SPIC: variants seen among roughly 807,000 people sequenced by gnomAD.
SPIC encodes transcription factor Spi-C.
In SPIC, 9 loss-of-function variants were observed where a neutral mutation model predicts 16.7. The observed-to-expected ratio is 0.54, with a 90% CI of 0.33 to 0.94. The LOEUF is 0.94. SPIC is among the 40% of genes least tolerant of loss of function. SPIC has a pLI of 0.03. For synonymous variants in SPIC, 97 were observed against 102.9 expected (o/e 0.94, Z 0.35); for missense variants, 241 against 285.8 (o/e 0.84, Z 1.13).
chr12:101,486,635 C>T lies in SPIC; in HGVS notation c.611C>T (p.Ser204Phe). ...SEAILQRLSP[S>F]YFLGKEIFYS... ...GCCATTCTCCAAAGACTCTCTCCAT[C>T]CTATTTCCTGGGGAAAGAGATCTTC... The change falls in exon 6 of 6, where the codon TCC (serine) becomes TTC (phenylalanine). Residue 204 changes from serine (S) to phenylalanine (F), a missense_variant. Transcript: ENST00000551346. 6.2e-7 allele frequency: 1 copy of T among 1,613,964 alleles called. No individual in the cohort carries two copies. The highest frequency in any genetic ancestry group is 8.5e-7 in the Non-Finnish European group (1 of 1,179,880).
In SPIC at chr12:101,486,848, T is replaced by A. The variant is rs1001841904; in HGVS notation, c.*77T>A. On this transcript the variant is annotated 3_prime_UTR_variant, in exon 6 of 6. Transcript: ENST00000551346. The stretch of plus-strand genomic sequence containing the variant: ...TAATGATTTCTCCCTCCCTCTCTTT[T>A]TTTCCTCCTCTGAAGAAATTTAGGA... 3 of 1,257,510 alleles carry A rather than the reference T, an allele frequency of 2.4e-6. No homozygotes were observed. The African/African-American group carries it at 4.5e-5, about 19-fold the overall frequency. The allele number at this position is 1,257,510 out of a possible 1,614,324, so 77.9% of individuals were successfully genotyped here. A position where few individuals can be genotyped will look rare whatever the true frequency, so the allele number is the denominator to read the frequency against.
rs1555208989 is a variant in SPIC, at chr12:101,479,242, A to AAGAAGG, written c.98-339_98-338insGAAGGA. Among the ~76,000 whole-genome samples the AAGAAGG allele has an allele frequency of 3.2e-3, 145 of 44,968 alleles. 1 individual carries two copies. Among genetic ancestry groups the AAGAAGG allele is most frequent in the East Asian group, 5.7e-3 (18 of 3,170 alleles). The allele number at this position is 44,968 out of a possible 152,430, so 29.5% of individuals were successfully genotyped here. A position where few individuals can be genotyped will look rare whatever the true frequency, so the allele number is the denominator to read the frequency against. On this transcript the variant is annotated intron_variant, in intron 3 of 5. Coordinates refer to ENST00000551346, the MANE Select transcript of SPIC (RefSeq NM_152323.3). ...AAAGAAGGAAAGAAAGAAAGAAAGA[A>AAGAAGG]AAAGAAAGAAAGAAGGAAGGAAAGA...
At chr12:101,485,139 A>G (rs1163262480) in intron 5 of SPIC, among the ~76,000 whole-genome samples, 1 of 152,238 alleles carries the variant, frequency 6.6e-6, no homozygotes, top group Non-Finnish European at 1.5e-5. Flanking sequence ...ATGCAAGAGT[A>G]TTATTCCCCA....
chr12:101,483,038 G>C, intron 5 of SPIC, 138 bp downstream of exon 5: 1 of 672,976 alleles, frequency 1.5e-6, no homozygotes, highest in South Asian at 1.9e-5. Flanking sequence ...ATTTAACTCT[G>C]ACTTCTTGAA....
At chr12:101,478,284 G>A (rs1208622976) in intron 3 of SPIC, among the ~76,000 whole-genome samples, 2 of 152,044 alleles carry the variant, frequency 1.3e-5, no homozygotes, top group East Asian at 3.9e-4. Context: ...GCCCATCTCG[G>A]CCTCCCAAAG....
At chr12:101,485,928 C>A (rs759904151) in intron 5 of SPIC, among the ~76,000 whole-genome samples, 1 of 152,142 alleles carries the variant, frequency 6.6e-6, no homozygotes, top group Non-Finnish European at 1.5e-5. Flanking sequence ...CTCAGCCTCC[C>A]GAGTAGCTGG....
In SPIC at chr12:101,479,764, C is replaced by G. The variant is rs1409270437; in HGVS notation, c.210+70C>G. 2.6e-6 allele frequency: 3 copies of G among 1,134,874 alleles called. No individual in the cohort carries two copies. The African/African-American group carries it at 4.7e-5, about 18-fold the overall frequency. 70.3% of individuals were successfully genotyped at this position (1,134,874 alleles called of 1,614,324 possible). On this transcript the variant is annotated intron_variant, in intron 4 of 5. Transcript: ENST00000551346. ...TTGCCAGCCTTCCATTTCACATACA[C>G]TGTCTGAAACCCAGCTTAAAGACAG...
intron 5 of SPIC, 39 bp from the exon 6 acceptor site, chr12:101,486,305 A>G: frequency 6.4e-7 from 1 of 1,561,398 alleles, no homozygotes; most frequent in Non-Finnish European, 8.7e-7. Context: ...CTCGGTTTAC[A>G]GCCACGGTGG....
chr12:101,486,506 G>A lies in SPIC; in HGVS notation c.482G>A (p.Arg161Lys). 6.2e-7 allele frequency: 1 copy of A among 1,614,104 alleles called. No homozygotes were observed. Among genetic ancestry groups the A allele is most frequent in the South Asian group, 1.1e-5 (1 of 91,070 alleles). ...AELWGKRKGNRKTMTYQKMAR... is the reference protein window; with the variant it reads ...AELWGKRKGNKKTMTYQKMAR... The stretch of plus-strand genomic sequence containing the variant: ...CTTTGGGGGAAAAGAAAAGGCAACA[G>A]GAAGACCATGACTTACCAGAAAATG... The change falls in exon 6 of 6, where the codon AGG becomes AAG. Residue 161 changes from arginine (R) to lysine (K), a missense_variant. Transcript: ENST00000551346.
intron 4 of SPIC, 100 bp from the exon 5 acceptor site, chr12:101,482,692 G>A (rs1873242480): frequency 1.8e-6 from 2 of 1,116,014 alleles, no homozygotes; most frequent in African/African-American, 1.6e-5. Flanking sequence ...TGCAATCTGG[G>A]AGACGCTTAG....
chr12:101,479,304 GA>G (rs753408588), intron 3 of SPIC, among the ~76,000 whole-genome samples: 1,369 of 24,506 alleles, frequency 0.056, 102 homozygotes, highest in Admixed American at 0.076. Context: ...AAGAAAGAAA[GA>G]AAAAAGAAAG....
chr12:101,476,379 A>G (rs956014949), intron 1 of SPIC, among the ~76,000 whole-genome samples: 1 of 152,128 alleles, frequency 6.6e-6, no homozygotes, highest in Non-Finnish European at 1.5e-5. Flanking sequence ...TATAAGTCCA[A>G]TTTTCATGGG....
chr12:101,479,259 AAG>A (rs1309664105), intron 3 of SPIC, among the ~76,000 whole-genome samples: 2,219 of 95,056 alleles, frequency 0.023, 176 homozygotes, highest in African/African-American at 0.054. Context: ...AGAAAGAAGG[AAG>A]GAAAGAAAGA....
Position 101,476,837 on chromosome 12 carries a change from CTTATT to C in SPIC, c.-55_-51del, listed in dbSNP as rs974441924. On this transcript the variant is annotated 5_prime_UTR_variant, in exon 2 of 6. It removes the in-frame stop codon of an upstream open reading frame in the 5' UTR. Coordinates refer to ENST00000551346, the MANE Select transcript of SPIC (RefSeq NM_152323.3). ...TATTAAACTTTTTCAGGATTGTCAA[CTTATT>C]TTATTTTATTTTCTTCAAGCAACAA... 4.1e-5 allele frequency: 46 copies of C among 1,131,284 alleles called. No homozygotes were observed. The highest frequency in any genetic ancestry group is 2.7e-4 in the Middle Eastern group (1 of 3,666). The allele number at this position is 1,131,284 out of a possible 1,614,324, so 70.1% of individuals were successfully genotyped here.
In SPIC at chr12:101,482,885, C is replaced by A; in HGVS notation, c.304C>A (p.Gln102Lys). The A allele has an allele frequency of 6.2e-7, 1 of 1,613,726 alleles. No homozygotes were observed. The highest frequency in any genetic ancestry group is 8.5e-7 in the Non-Finnish European group (1 of 1,179,882). ...NQLVQPTLLQ[Q>K]KGGKGRKKLR... ...GCTGGTACAACCCACTCTTCTCCAG[C>A]AAAAGGGGGGAAAAGGTACGTTGAT... Residue 102 changes from glutamine (Q) to lysine (K), a missense_variant, in exon 5 of 6, where the codon CAA becomes AAA. By Grantham distance (53) the Gln-to-Lys change is moderately conservative. Transcript: ENST00000551346.
intron 5 of SPIC, among the ~76,000 whole-genome samples, chr12:101,483,753 C>T (rs768689437): frequency 5.3e-5 from 8 of 151,844 alleles, no homozygotes; most frequent in Non-Finnish European, 8.8e-5. Context: ...CTCACCACCA[C>T]GCCTGGCCCG....
chr12:101,476,233 G>T (rs1226375356), intron 1 of SPIC, among the ~76,000 whole-genome samples: 2 of 152,138 alleles, frequency 1.3e-5, no homozygotes, highest in Non-Finnish European at 2.9e-5. Flanking sequence ...GGGTCGGTGT[G>T]ATAATTGTTT....
chr12:101,481,727 T>C (rs1399982284), intron 4 of SPIC, among the ~76,000 whole-genome samples: 2 of 151,250 alleles, frequency 1.3e-5, no homozygotes, highest in African/African-American at 2.4e-5. Flanking sequence ...TTGGCCAGGC[T>C]GATCTCAAAC....
chr12:101,486,730 A>G lies in SPIC; in HGVS notation c.706A>G (p.Thr236Ala), dbSNP rs370405003. Reference protein sequence around the residue: ...LNNWNANYNYTYANYHELNHH... With the variant: ...LNNWNANYNYAYANYHELNHH... ...TAACTGGAATGCAAATTATAATTAT[A>G]CATATGCCAATTACCATGAGCTAAA... The change falls in exon 6 of 6, where the codon ACA (threonine) becomes GCA (alanine). Residue 236 changes from threonine to alanine, a missense_variant. Coordinates refer to ENST00000551346, the MANE Select transcript of SPIC (RefSeq NM_152323.3). 8 of 1,596,116 alleles carry G rather than the reference A, an allele frequency of 5.0e-6. No individual in the cohort carries two copies. In the East Asian group the frequency reaches 6.7e-5, roughly 13 times the overall value.
Sources: gnomAD v4.1 joint callset for allele counts (sites outside exome capture counted in the v4.1 genomes callset) on GRCh38, gnomAD v4.1.1 for gene constraint, MANE v1.5 for transcripts, NCBI Gene and HGNC (gene_info 2026-07-23, HGNC 2026-07-21) for gene names.